Variants in SEMA5A observed in about 807,000 individuals in gnomAD.
SEMA5A encodes semaphorin 5A.
A neutral mutation model predicts 135.5 loss-of-function variants in SEMA5A; 55 were observed. That is an observed-to-expected ratio of 0.41 (90% CI 0.33 to 0.51). The LOEUF (loss-of-function observed/expected upper bound fraction) is 0.51, where lower values mean the gene tolerates loss of function less well. Ranked by LOEUF, SEMA5A falls within the 20% of genes least tolerant of loss-of-function variation. SEMA5A has a pLI of 0.37. For missense variants in SEMA5A, 1,290 were observed against 1,419.9 expected (o/e 0.91, Z 1.47); for synonymous variants, 580 against 546.5 (o/e 1.06, Z -0.85).
intron 2 of SEMA5A, among the ~76,000 whole-genome samples, chr5:9,385,470 A>G (rs1401412600): frequency 2.0e-5 from 3 of 152,196 alleles, no homozygotes; most frequent in African/African-American, 7.2e-5. Context: ...CTATAGGCCT[A>G]TCATAAAGAT....
chr5:9,349,926 CAAA>C (rs113875412), intron 3 of SEMA5A, among the ~76,000 whole-genome samples: 2 of 147,742 alleles, frequency 1.4e-5, no homozygotes, highest in East Asian at 3.9e-4. Flanking sequence ...AACAAACAAA[CAAA>C]AAAAAAACAT....
intron 5 of SEMA5A, among the ~76,000 whole-genome samples, chr5:9,265,209 C>A (rs906897917): frequency 6.6e-6 from 1 of 152,094 alleles, no homozygotes; most frequent in Admixed American, 6.5e-5. Flanking sequence ...CGTGTGCTAG[C>A]TCAGCATCTG....
chr5:9,124,468 TG>T (rs1740997891), intron 13 of SEMA5A, among the ~76,000 whole-genome samples: 1 of 152,134 alleles, frequency 6.6e-6, no homozygotes, highest in Non-Finnish European at 1.5e-5. Flanking sequence ...TGGTTGTTGT[TG>T]TTTTTGAGAT....
At chr5:9,514,400 A>G (rs563458392) in intron 1 of SEMA5A, among the ~76,000 whole-genome samples, 29 of 152,302 alleles carry the variant, frequency 1.9e-4, no homozygotes, top group African/African-American at 6.5e-4. Context: ...CACACCCTCC[A>G]CAGCAGCAGA....
Position 9,302,750 on chromosome 5 carries a change from C to T in SEMA5A, c.270+15622G>A, listed in dbSNP as rs3777319. ...CTAGCAGAGTAGGGAACTCTGCTGA[C>T]GGTGAGAAAGAAGATACATATCCAT... On this transcript the variant is annotated intron_variant, in intron 5 of 22. Coordinates refer to ENST00000382496, the MANE Select transcript of SEMA5A (RefSeq NM_003966.3). Among the ~76,000 whole-genome samples the T allele has an allele frequency of 3.4e-4, 52 of 152,248 alleles. No individual in the cohort carries two copies. The East Asian group carries it at 8.7e-3, about 25-fold the overall frequency.
At chr5:9,498,272 C>A (rs973447659) in intron 1 of SEMA5A, 10 of 152,006 alleles carry the variant, frequency 6.6e-5, no homozygotes, top group African/African-American at 2.2e-4. Context: ...GGGCCAGGCA[C>A]CACATTTATG....
chr5:9,047,059 A>G (rs1029058634), intron 21 of SEMA5A, among the ~76,000 whole-genome samples: 2 of 152,162 alleles, frequency 1.3e-5, no homozygotes, highest in African/African-American at 4.8e-5. Flanking sequence ...TCCAGGGGAC[A>G]TTTCACCAGC....
intron 1 of SEMA5A, among the ~76,000 whole-genome samples, chr5:9,473,430 T>G (rs988098774): frequency 7.9e-6 from 1 of 126,664 alleles, no homozygotes; most frequent in South Asian, 2.8e-4. Flanking sequence ...AATAAGCCCA[T>G]GTAGACCCTG....
rs3031503 is a variant in SEMA5A at position 9,473,120 on chromosome 5, A to AAAAT, written c.-174-35272_-174-35269dup. ...ACTTAAAGTATAATAATAACAAAAT[A>AAAAT]AAATATATATATATATATATAATGC... On this transcript the variant is annotated intron_variant, in intron 1 of 22. Coordinates refer to ENST00000382496, the MANE Select transcript of SEMA5A (RefSeq NM_003966.3). Among the ~76,000 whole-genome samples the AAAAT allele has an allele frequency of 6.2e-3, 112 of 18,056 alleles. 1 individual carries two copies. The highest frequency in any genetic ancestry group is 0.017 in the South Asian group (13 of 760). 11.8% of individuals were successfully genotyped at this position (18,056 alleles called of 152,430 possible).
chr5:9,308,302 A>G (rs1052272901), intron 5 of SEMA5A, among the ~76,000 whole-genome samples: 15 of 152,148 alleles, frequency 9.9e-5, no homozygotes, highest in African/African-American at 3.4e-4. Context: ...CCACCTCACC[A>G]GGAAGTTATG....
Position 9,380,123 on chromosome 5 carries a change from G to A in SEMA5A, c.-77-100C>T. 4 of 767,418 alleles carry A rather than the reference G, an allele frequency of 5.2e-6. No individual in the cohort carries two copies. The South Asian group carries it at 5.9e-5, about 11-fold the overall frequency. 47.5% of individuals were successfully genotyped at this position (767,418 alleles called of 1,614,324 possible). ...CTCACTAACTTTAAGGTTACACTTT[G>A]TGGAGATAGAGGAGAGCTTGGAGGG... is the stretch of plus-strand genomic sequence containing the variant. On this transcript the variant is annotated intron_variant, in intron 2 of 22. Transcript: ENST00000382496.
chr5:9,298,299 G>A (rs985585490), intron 5 of SEMA5A, among the ~76,000 whole-genome samples: 2 of 152,182 alleles, frequency 1.3e-5, no homozygotes, highest in Non-Finnish European at 2.9e-5. Context: ...GTGTGTACAA[G>A]CTGAGAATGC....
Position 9,044,460 on chromosome 5 carries a change from G to T in SEMA5A, c.3018C>A (p.Ile1006=). ...YQQQSHDATV[I]HPVSPAPLNT... The stretch of plus-strand genomic sequence containing the variant: ...TAAGGGGGGCAGGTGAGACGGGGTG[G>T]ATGACAGTCGCATCGTGGGATTGCT... The change falls in exon 22 of 23, where the codon ATC becomes ATA. Residue 1006 remains isoleucine, a synonymous_variant. Transcript: ENST00000382496. 1 of 1,613,988 alleles carries T rather than the reference G, an allele frequency of 6.2e-7. No individual in the cohort carries two copies.
At chr5:9,325,575 C>T (rs565488675) in intron 4 of SEMA5A, among the ~76,000 whole-genome samples, 101 of 152,054 alleles carry the variant, frequency 6.6e-4, no homozygotes, top group African/African-American at 2.3e-3. Flanking sequence ...AATATATTCT[C>T]GGAGGGAGCA....
chr5:9,184,143 G>A (rs1425143551), intron 11 of SEMA5A, among the ~76,000 whole-genome samples: 3 of 151,678 alleles, frequency 2.0e-5, no homozygotes, highest in Non-Finnish European at 4.4e-5. Context: ...TCTTGGATGA[G>A]TATAACATGC....
chr5:9,316,770 C>T (rs953046916), intron 5 of SEMA5A, among the ~76,000 whole-genome samples: 2 of 152,176 alleles, frequency 1.3e-5, no homozygotes, highest in East Asian at 3.9e-4. Flanking sequence ...AGGTATCTCA[C>T]ATACTTTATT....
At chr5:9,246,551 A>C (rs1748492686) in intron 5 of SEMA5A, among the ~76,000 whole-genome samples, 1 of 152,180 alleles carries the variant, frequency 6.6e-6, no homozygotes, top group African/African-American at 2.4e-5. Context: ...ATCACAAGCA[A>C]ATTAGAATTA....
chr5:9,455,498 C>T (rs776813220), intron 1 of SEMA5A, among the ~76,000 whole-genome samples: 16 of 152,078 alleles, frequency 1.1e-4, no homozygotes, highest in South Asian at 8.3e-4. Flanking sequence ...CTTTGTGATC[C>T]GCCCGCCTCG....
intron 15 of SEMA5A, among the ~76,000 whole-genome samples, chr5:9,115,878 G>A (rs1740483922): frequency 6.6e-6 from 1 of 152,182 alleles, no homozygotes; most frequent in African/African-American, 2.4e-5. Context: ...GGGGTGAGAT[G>A]TCACTTTTGT....
Sources: allele counts gnomAD v4.1 joint callset (sites outside exome capture counted in the v4.1 genomes callset), GRCh38; gene constraint gnomAD v4.1.1; transcripts MANE v1.5; gene names NCBI Gene and HGNC (gene_info 2026-07-23, HGNC 2026-07-21).